Variants in EGLN1 observed in about 807,000 individuals in gnomAD.
EGLN1 encodes the protein egl nine homolog 1.
A neutral mutation model predicts 38.3 loss-of-function variants in EGLN1; 17 were observed. That is an observed-to-expected ratio of 0.44 (90% CI 0.30 to 0.67). The LOEUF is 0.67. Among genes scored for constraint, EGLN1 ranks in the 30% least tolerant of loss-of-function variants. The probability of loss-of-function intolerance (pLI) is 0.08; values close to 1 mark genes in which losing one functional copy is unlikely to be tolerated. For missense variants in EGLN1, 477 were observed against 603.3 expected (o/e 0.79, Z 2.19); for synonymous variants, 283 against 257.5 (o/e 1.10, Z -0.95).
chr1:231,421,665 G>C lies in EGLN1; in HGVS notation c.224C>G (p.Ser75Cys). Residue 75 changes from serine (S) to cysteine (C), a missense_variant, in exon 1 of 5, where the codon TCC becomes TGC. Transcript: ENST00000366641. This position sits in a 1 kb window ranked among gnomAD's most constrained non-coding sequence, Gnocchi z 5.5. ...CACTGCAGCCGGCGGCGCGGGGCCGGAATGCTGGTGTGGGCCCACTCCGTG... is the reference window on the plus strand; with the variant it reads ...CACTGCAGCCGGCGGCGCGGGGCCGCAATGCTGGTGTGGGCCCACTCCGTG... ...LGHGVGPHQHSGPAPPAAVPP... is the reference protein window; with the variant it reads ...LGHGVGPHQHCGPAPPAAVPP... 2 of 1,468,906 alleles carry C rather than the reference G, an allele frequency of 1.4e-6. No homozygotes were observed. The highest frequency in any genetic ancestry group is 1.8e-6 in the Non-Finnish European group (2 of 1,114,780). The allele number at this position is 1,468,906 out of a possible 1,614,324, so 91.0% of individuals were successfully genotyped here.
chr1:231,415,991 G>A (rs938602077), intron 1 of EGLN1, among the ~76,000 whole-genome samples: 11 of 152,074 alleles, frequency 7.2e-5, no homozygotes, highest in African/African-American at 2.7e-4. Context: ...GGGACTAAAA[G>A]GCATGCAACA....
intron 1 of EGLN1, among the ~76,000 whole-genome samples, chr1:231,415,682 A>C (rs551080775): frequency 6.6e-6 from 1 of 152,284 alleles, no homozygotes; most frequent in South Asian, 2.1e-4. Context: ...TTATATGTTC[A>C]CCTCACAACA....
intron 1 of EGLN1, among the ~76,000 whole-genome samples, chr1:231,381,637 C>G (rs113155873): frequency 7.9e-5 from 12 of 152,184 alleles, no homozygotes; most frequent in African/African-American, 2.9e-4. Context: ...TGTCATGATG[C>G]CTTAGTACTC....
chr1:231,380,752 CT>C (rs1230915908), intron 1 of EGLN1, among the ~76,000 whole-genome samples: 1 of 152,132 alleles, frequency 6.6e-6, no homozygotes, highest in Non-Finnish European at 1.5e-5. Context: ...AAGTTTTAAT[CT>C]TTGAAAACAG....
chr1:231,398,470 C>A (rs374408902), intron 1 of EGLN1, among the ~76,000 whole-genome samples: 2 of 152,148 alleles, frequency 1.3e-5, no homozygotes, highest in South Asian at 2.1e-4. Flanking sequence ...AGACCACCAC[C>A]CATTTTTGTA....
At chr1:231,394,597 G>C (rs920048686) in intron 1 of EGLN1, among the ~76,000 whole-genome samples, 4 of 149,250 alleles carry the variant, frequency 2.7e-5, no homozygotes, top group Non-Finnish European at 5.9e-5. Flanking sequence ...CACCGTGTTA[G>C]CCAGGATGGT....
At chr1:231,415,318 G>A (rs1330651562) in intron 1 of EGLN1, among the ~76,000 whole-genome samples, 4 of 149,086 alleles carry the variant, frequency 2.7e-5, no homozygotes, top group Non-Finnish European at 3.0e-5. Flanking sequence ...TAGTTAAGTA[G>A]AAATATGTAT....
At chr1:231,371,588 C>A (rs921243645) in intron 2 of EGLN1, among the ~76,000 whole-genome samples, 14 of 152,100 alleles carry the variant, frequency 9.2e-5, no homozygotes, top group Admixed American at 2.6e-4. Context: ...CAGATGACTA[C>A]CTGCTTGTGA....
intron 1 of EGLN1, among the ~76,000 whole-genome samples, chr1:231,384,405 GA>G (rs34736172): frequency 2.4e-4 from 35 of 145,140 alleles, no homozygotes; most frequent in Middle Eastern, 3.4e-3. Context: ...GCATTACGAA[GA>G]AAAAAAAAAA....
At position 231,380,309 on chromosome 1, in the gene EGLN1, C is replaced by G. The variant is rs916564810; in HGVS notation, c.892-6210G>C. On this transcript the variant is annotated intron_variant, in intron 1 of 4. Coordinates refer to ENST00000366641, the MANE Select transcript of EGLN1 (RefSeq NM_022051.3). ...CAAGCCTGGGCGACAGAGCGAGACT[C>G]CGTCTCAAAAAAAAAAAAAAAAAAA... Among the ~76,000 whole-genome samples the G allele has an allele frequency of 5.3e-5, 6 of 113,854 alleles. No individual in the cohort carries two copies. In the Admixed American group the frequency reaches 6.2e-4, roughly 12 times the overall value. The allele number at this position is 113,854 out of a possible 152,430, so 74.7% of individuals were successfully genotyped here.
At chr1:231,396,165 GGT>G (rs1326937151) in intron 1 of EGLN1, among the ~76,000 whole-genome samples, 1 of 151,166 alleles carries the variant, frequency 6.6e-6, no homozygotes, top group East Asian at 1.9e-4. Context: ...CCCGTCTTCT[GGT>G]TTTCTTCCTT....
rs945737368 is a variant in EGLN1, at chr1:231,421,775, G to A, written c.114C>T (p.Ser38=). The A allele has an allele frequency of 4.5e-6, 7 of 1,557,256 alleles. No individual in the cohort carries two copies. In the South Asian group the frequency reaches 4.7e-5, roughly 10 times the overall value. The change falls in exon 1 of 5, where the codon AGC becomes AGT. Residue 38 remains serine, a synonymous_variant. Transcript: ENST00000366641. This position sits in a 1 kb window ranked among gnomAD's most constrained non-coding sequence, Gnocchi z 5.5. ...ENLLRCSRCR[S]SFYCCKEHQR... is the part of the protein sequence containing the mutation. ...GGTGCTCCTTGCAGCAGTAGAAGGA[G>A]CTGCGGCAGCGGCTGCAGCGCAGCA...
At chr1:231,396,505 G>C (rs1349068777) in intron 1 of EGLN1, among the ~76,000 whole-genome samples, 1 of 152,072 alleles carries the variant, frequency 6.6e-6, no homozygotes, top group Non-Finnish European at 1.5e-5. Flanking sequence ...ACCTCCCTCA[G>C]CCTCCCAAAG....
intron 1 of EGLN1, among the ~76,000 whole-genome samples, chr1:231,396,762 A>G (rs1688540758): frequency 6.6e-6 from 1 of 152,070 alleles, no homozygotes; most frequent in Non-Finnish European, 1.5e-5. Context: ...TGGCCTTCAC[A>G]TTACTCTTCT....
intron 1 of EGLN1, among the ~76,000 whole-genome samples, chr1:231,391,951 G>A (rs1050562438): frequency 6.6e-6 from 1 of 152,156 alleles, no homozygotes; most frequent in African/African-American, 2.4e-5. Flanking sequence ...AAGAGTTCTA[G>A]GACCAGAGTG....
At chr1:231,378,676 T>C (rs760564934) in intron 1 of EGLN1, among the ~76,000 whole-genome samples, 4 of 152,222 alleles carry the variant, frequency 2.6e-5, no homozygotes, top group Non-Finnish European at 5.9e-5. Flanking sequence ...AGGTCCGCAA[T>C]GCCTCTGAGG....
At chr1:231,391,083 G>GTTTT (rs111257907) in intron 1 of EGLN1, among the ~76,000 whole-genome samples, 859 of 49,618 alleles carry the variant, frequency 0.017, 96 homozygotes, top group African/African-American at 0.041. Context: ...AACTCATTCT[G>GTTTT]TTTTTTTTTT....
At chr1:231,416,366 G>A (rs1689082609) in intron 1 of EGLN1, among the ~76,000 whole-genome samples, 1 of 151,646 alleles carries the variant, frequency 6.6e-6, no homozygotes, top group South Asian at 2.1e-4. Context: ...ACGTAATTAA[G>A]GATTTGTGGG....
chr1:231,415,062 A>G (rs1339027105), intron 1 of EGLN1, among the ~76,000 whole-genome samples: 1 of 152,110 alleles, frequency 6.6e-6, no homozygotes, highest in Non-Finnish European at 1.5e-5. Flanking sequence ...TTTGAGGCCA[A>G]CAGTTCTAGA....
Sources: allele counts gnomAD v4.1 joint callset (sites outside exome capture counted in the v4.1 genomes callset), GRCh38; gene constraint gnomAD v4.1.1; non-coding constraint Gnocchi (gnomAD v3.1); transcripts MANE v1.5; gene names NCBI Gene and HGNC (gene_info 2026-07-23, HGNC 2026-07-21).